Variants in MICAL2 observed in about 807,000 individuals in gnomAD.
The protein encoded by MICAL2 is [F-actin]-monooxygenase MICAL2.
A neutral mutation model predicts 127.3 loss-of-function variants in MICAL2; 77 were observed. That is an observed-to-expected ratio of 0.60 (90% CI 0.50 to 0.73). MICAL2 has a LOEUF of 0.73. Ranked by LOEUF, MICAL2 falls within the 30% of genes least tolerant of loss-of-function variation. MICAL2 has a pLI of 0.00. For synonymous variants in MICAL2, 570 were observed against 551.1 expected, an observed-to-expected ratio of 1.03 and a Z score of -0.48; for missense variants, 1,351 against 1,434.4, an observed-to-expected ratio of 0.94 and a Z score of 0.94.
intron 1 of MICAL2, among the ~76,000 whole-genome samples, chr11:12,277,036 G>A (rs993884275): frequency 3.3e-5 from 5 of 152,008 alleles, no homozygotes; most frequent in Non-Finnish European, 7.3e-5. Flanking sequence ...ACCAGCCACC[G>A]TTCATTACAC....
chr11:12,167,464 G>A (rs1395585944), intron 3 of MICAL2, among the ~76,000 whole-genome samples: 11 of 152,146 alleles, frequency 7.2e-5, no homozygotes, highest in African/African-American at 2.4e-4. Context: ...CAGGGTGCAA[G>A]GATGTTAGGG....
At chr11:12,235,181 C>T (rs959938805) in intron 15 of MICAL2, among the ~76,000 whole-genome samples, 12 of 152,106 alleles carry the variant, frequency 7.9e-5, no homozygotes, top group Non-Finnish European at 1.3e-4. Context: ...GGTAGGCTTA[C>T]CCATGGGGTA....
At chr11:12,308,463 AGT>A (rs1864137918) in intron 29 of MICAL2, among the ~76,000 whole-genome samples, 2 of 152,246 alleles carry the variant, frequency 1.3e-5, no homozygotes, top group South Asian at 4.2e-4. Flanking sequence ...TTTAGTTTTC[AGT>A]GTGTGGATTT....
chr11:12,296,805 C>T (rs922549475), downstream of MICAL2, among the ~76,000 whole-genome samples: 1 of 151,790 alleles, frequency 6.6e-6, no homozygotes, highest in Admixed American at 6.6e-5. Context: ...GATAGCATGG[C>T]AGCATGCTGT....
intron 2 of MICAL2, among the ~76,000 whole-genome samples, chr11:12,140,195 G>A (rs1014084675): frequency 2.0e-5 from 3 of 152,196 alleles, no homozygotes; most frequent in Non-Finnish European, 2.9e-5. Flanking sequence ...AGTGTATCAT[G>A]TTGTATCATT....
At chr11:12,198,747 C>T (rs534248557) in intron 3 of MICAL2, among the ~76,000 whole-genome samples, 3 of 152,344 alleles carry the variant, frequency 2.0e-5, no homozygotes, top group Non-Finnish European at 4.4e-5. Flanking sequence ...CTGCCAGGGC[C>T]ACCCTCACCA....
At chr11:12,303,439 TA>T (rs1864072291) in intron 29 of MICAL2, 1 of 152,248 alleles carries the variant, frequency 6.6e-6, no homozygotes, top group South Asian at 2.1e-4. Context: ...TGAAGCAGTG[TA>T]AAATGGTTTT....
At chr11:12,129,366 C>T (rs1000764118) in intron 1 of MICAL2, among the ~76,000 whole-genome samples, 5 of 152,324 alleles carry the variant, frequency 3.3e-5, no homozygotes, top group South Asian at 2.1e-4. Flanking sequence ...TTACCCTGTG[C>T]GGTTACTGGG....
At chr11:12,155,375 G>A (rs1204912896) in intron 2 of MICAL2, among the ~76,000 whole-genome samples, 7 of 151,970 alleles carry the variant, frequency 4.6e-5, no homozygotes, top group Non-Finnish European at 1.0e-4. Flanking sequence ...ATGTGTATTT[G>A]CGCACACATG....
chr11:12,301,166 G>A (rs1015680014), intron 29 of MICAL2, among the ~76,000 whole-genome samples: 1 of 152,132 alleles, frequency 6.6e-6, no homozygotes, highest in Non-Finnish European at 1.5e-5. Flanking sequence ...CACGAGACTA[G>A]CACAGGAAAG....
chr11:12,305,379 C>T (rs1198646345), intron 29 of MICAL2, among the ~76,000 whole-genome samples: 1 of 152,150 alleles, frequency 6.6e-6, no homozygotes, highest in African/African-American at 2.4e-5. Context: ...CCCCAAAATC[C>T]AATCACTTCC....
At chr11:12,359,668 G>T (rs1740161810), downstream of MICAL2, among the ~76,000 whole-genome samples, 1 of 152,168 alleles carries the variant, frequency 6.6e-6, no homozygotes, top group Non-Finnish European at 1.5e-5. Flanking sequence ...AATTCCTGGG[G>T]CATTATGAGG....
At chr11:12,215,470 G>A (rs1217581508) in intron 7 of MICAL2, among the ~76,000 whole-genome samples, 1 of 152,198 alleles carries the variant, frequency 6.6e-6, no homozygotes, top group Non-Finnish European at 1.5e-5. Context: ...CCTAGAGCTT[G>A]TTAAAGCACA....
chr11:12,324,560 C>A (rs2134848273), intron 31 of MICAL2, among the ~76,000 whole-genome samples: 1 of 152,272 alleles, frequency 6.6e-6, no homozygotes, highest in Non-Finnish European at 1.5e-5. Context: ...ACACTTCCTC[C>A]CAAGTTGCTC....
chr11:12,124,684 A>G (rs1023241639), intron 1 of MICAL2, among the ~76,000 whole-genome samples: 1 of 152,082 alleles, frequency 6.6e-6, no homozygotes, highest in Non-Finnish European at 1.5e-5. Context: ...CTAAACCCCT[A>G]TCTCCACTCT....
At chr11:12,114,214 G>A (rs934427560) in intron 1 of MICAL2, among the ~76,000 whole-genome samples, 2 of 152,130 alleles carry the variant, frequency 1.3e-5, no homozygotes, top group Non-Finnish European at 2.9e-5. Context: ...ATTTATTCCT[G>A]AGATATTTTA....
rs1342526877 is a variant in MICAL2, at chr11:12,263,620, C to A, written c.*78C>A. ...TGCCCTCCTCCCCTCTCAGCCTCCT[C>A]TTTAGCTAGCCTCCCCATCTCATCA... On this transcript the variant is annotated 3_prime_UTR_variant, in exon 28 of 28. Coordinates refer to ENST00000683283, the MANE Select transcript of MICAL2 (RefSeq NM_001282663.2). 6.5e-6 allele frequency: 1 copy of A among 152,726 alleles called. No homozygotes were observed. Among genetic ancestry groups the A allele is most frequent in the Non-Finnish European group, 1.5e-5 (1 of 68,050 alleles). The allele number at this position is 152,726 out of a possible 1,614,324, so 9.5% of individuals were successfully genotyped here. A position where few individuals can be genotyped will look rare whatever the true frequency, so the allele number is the denominator to read the frequency against.
downstream of MICAL2, among the ~76,000 whole-genome samples, chr11:12,289,875 C>A (rs7115141): frequency 0.34 from 51,465 of 152,036 alleles, 9,129 homozygotes; most frequent in East Asian, 0.53. Context: ...GGCCAACTGG[C>A]AATCTCTTTT....
At chr11:12,355,314 A>G (rs112689494) in intron 34 of MICAL2, among the ~76,000 whole-genome samples, 36 of 152,264 alleles carry the variant, frequency 2.4e-4, no homozygotes, top group African/African-American at 7.0e-4. Context: ...GCTGCCAGGC[A>G]CTAGAGCTAG....
Sources: gnomAD v4.1 joint callset for allele counts (sites outside exome capture counted in the v4.1 genomes callset) on GRCh38, gnomAD v4.1.1 for gene constraint, MANE v1.5 for transcripts, NCBI Gene and HGNC (gene_info 2026-07-23, HGNC 2026-07-21) for gene names.